The following CDADC1 variants were observed in gnomAD, a reference collection of about 807,000 sequenced individuals.
CDADC1 encodes dCTP deaminase.
CDADC1 carries 39 observed loss-of-function variants against 54.9 expected under a neutral mutation model. That is an observed-to-expected ratio of 0.71 (90% CI 0.55 to 0.93). CDADC1 has a LOEUF of 0.93. Ranked by LOEUF, CDADC1 falls within the 40% of genes least tolerant of loss-of-function variation. CDADC1 has a pLI of 0.00. For missense variants in CDADC1, 518 were observed against 618.8 expected, an observed-to-expected ratio of 0.84 and a Z score of 1.73; for synonymous variants, 186 against 204.0, an observed-to-expected ratio of 0.91 and a Z score of 0.75.
intron 9 of CDADC1, among the ~76,000 whole-genome samples, chr13:49,287,870 G>A (rs1481383985): frequency 6.6e-6 from 1 of 151,966 alleles, no homozygotes; most frequent in East Asian, 1.9e-4. Context: ...TACTCAGGAG[G>A]CTGAGGTGGA....
intron 6 of CDADC1, among the ~76,000 whole-genome samples, chr13:49,277,904 A>G (rs554348685): frequency 5.3e-4 from 81 of 152,344 alleles, no homozygotes; most frequent in South Asian, 1.0e-3. Flanking sequence ...CTTGCTAACC[A>G]GTAGCATGGC....
intron 8 of CDADC1, 124 bp from the exon 9 acceptor site, chr13:49,286,098 C>A: frequency 1.4e-6 from 1 of 729,400 alleles, no homozygotes; most frequent in South Asian, 1.8e-5. Flanking sequence ...ACAGGTGTGA[C>A]CCACTATGCC....
chr13:49,291,762 G>T lies in CDADC1; in HGVS notation c.*5G>T. 2 of 1,613,682 alleles carry T rather than the reference G, an allele frequency of 1.2e-6. No individual in the cohort carries two copies. Among genetic ancestry groups the T allele is most frequent in the Non-Finnish European group, 1.7e-6 (2 of 1,179,868 alleles). Reference sequence around the variant, plus strand: ...CTGCGCCTCGGAATCCACTAAGAAGGCCTGTCTACACTGCAGGGGAACCTC... The same window carrying T: ...CTGCGCCTCGGAATCCACTAAGAAGTCCTGTCTACACTGCAGGGGAACCTC... On this transcript the variant is annotated 3_prime_UTR_variant, in exon 10 of 10. Coordinates refer to ENST00000251108, the MANE Select transcript of CDADC1 (RefSeq NM_030911.4).
At chr13:49,261,304 A>C (rs1390646848) in intron 4 of CDADC1, among the ~76,000 whole-genome samples, 5 of 152,236 alleles carry the variant, frequency 3.3e-5, no homozygotes, top group Admixed American at 6.5e-5. Flanking sequence ...TATTTCGAGC[A>C]GGTAGGTATC....
At chr13:49,253,939 G>A (rs947897207) in intron 2 of CDADC1, among the ~76,000 whole-genome samples, 6 of 152,202 alleles carry the variant, frequency 3.9e-5, no homozygotes, top group African/African-American at 1.4e-4. Flanking sequence ...TAATGGTTAA[G>A]ACAATGGATC....
At chr13:49,276,375 C>T (rs1439171032) in intron 6 of CDADC1, among the ~76,000 whole-genome samples, 1 of 152,076 alleles carries the variant, frequency 6.6e-6, no homozygotes, top group African/African-American at 2.4e-5. Context: ...GAGATGAGGA[C>T]TTGGAGATGT....
chr13:49,248,862 C>A lies in CDADC1; in HGVS notation c.83-9C>A, dbSNP rs372881286. 8.4e-6 allele frequency: 13 copies of A among 1,553,098 alleles called. No individual in the cohort carries two copies. The highest frequency in any genetic ancestry group is 3.6e-6 in the Non-Finnish European group (4 of 1,124,500). On this transcript the variant is annotated splice_polypyrimidine_tract_variant and intron_variant, in intron 1 of 9. Coordinates refer to ENST00000251108, the MANE Select transcript of CDADC1 (RefSeq NM_030911.4). Reference sequence around the variant, plus strand: ...ACAAAGTTTAAAGTGTTTGTCGTCTCTTTTGTAGGTCAGATACCAAGGCTT... The same window carrying A: ...ACAAAGTTTAAAGTGTTTGTCGTCTATTTTGTAGGTCAGATACCAAGGCTT...
At chr13:49,278,847 T>C (rs777628444) in intron 7 of CDADC1, among the ~76,000 whole-genome samples, 6 of 152,218 alleles carry the variant, frequency 3.9e-5, no homozygotes, top group Non-Finnish European at 8.8e-5. Context: ...GTTTTCTAAA[T>C]CTGGAGCACG....
At chr13:49,278,579 AT>A (rs2138249732) in intron 7 of CDADC1, 60 bp downstream of exon 7, 6 of 1,140,596 alleles carry the variant, frequency 5.3e-6, no homozygotes, top group Non-Finnish European at 7.3e-6. Flanking sequence ...GTTGAAATTA[AT>A]TTTCTTATAA....
Position 49,268,084 on chromosome 13 carries a change from G to A in CDADC1, c.1000+25G>A, listed in dbSNP as rs780041176. On this transcript the variant is annotated intron_variant, in intron 5 of 9. Coordinates refer to ENST00000251108, the MANE Select transcript of CDADC1 (RefSeq NM_030911.4). Reference sequence around the variant, plus strand: ...GGTGAGTTACATAGATCGTAAATTGGGGCTGATTGGTTGGGTTGTATTTGT... The same window carrying A: ...GGTGAGTTACATAGATCGTAAATTGAGGCTGATTGGTTGGGTTGTATTTGT... 5 of 1,545,466 alleles carry A rather than the reference G, an allele frequency of 3.2e-6. No individual in the cohort carries two copies. In the South Asian group the frequency reaches 5.7e-5, roughly 18 times the overall value.
chr13:49,249,607 G>A (rs567819131), intron 2 of CDADC1, among the ~76,000 whole-genome samples: 2 of 152,050 alleles, frequency 1.3e-5, no homozygotes, highest in African/African-American at 2.4e-5. Context: ...GGTGGTATCC[G>A]CCTGTAGTCC....
rs547934842 is a variant in CDADC1, at chr13:49,289,815, C to T, written c.1472-1869C>T. 3.3e-5 allele frequency among the ~76,000 whole-genome samples: 5 copies of T among 152,254 alleles called. No individual in the cohort carries two copies. In the South Asian group the frequency reaches 6.2e-4, roughly 19 times the overall value. ...ATCCCAGCATATTGGGAGACTGAAG[C>T]GGGCCAATTGCTTGAGCCCAGGAGT... is the stretch of plus-strand genomic sequence containing the variant. On this transcript the variant is annotated intron_variant, in intron 9 of 9. Coordinates refer to ENST00000251108, the MANE Select transcript of CDADC1 (RefSeq NM_030911.4).
intron 4 of CDADC1, among the ~76,000 whole-genome samples, chr13:49,259,849 G>GA (rs58496922): frequency 0.013 from 1,932 of 149,906 alleles, 32 homozygotes; most frequent in African/African-American, 0.035. Context: ...CTTGTCTCCA[G>GA]AAAAAAAAAA....
chr13:49,259,284 A>C, intron 3 of CDADC1, 62 bp from the exon 4 acceptor site: 1 of 1,114,418 alleles, frequency 9.0e-7, no homozygotes, highest in Non-Finnish European at 1.3e-6. Flanking sequence ...ATTCAAGTAT[A>C]ATCCATAATA....
intron 9 of CDADC1, among the ~76,000 whole-genome samples, chr13:49,286,690 A>T (rs1953523571): frequency 6.6e-6 from 1 of 152,214 alleles, no homozygotes; most frequent in Admixed American, 6.5e-5. Flanking sequence ...GTAAACCCAC[A>T]TTTGCCCAGA....
Position 49,259,434 on chromosome 13 carries a change from C to T in CDADC1, c.341C>T (p.Ala114Val). The T allele has an allele frequency of 1.2e-6, 2 of 1,614,018 alleles. No individual in the cohort carries two copies. Among genetic ancestry groups the T allele is most frequent in the South Asian group, 1.1e-5 (1 of 91,078 alleles). Residue 114 changes from alanine (A) to valine (V), a missense_variant, in exon 4 of 10, where the codon GCT (alanine) becomes GTT (valine). Ala to Val is a moderately conservative substitution (Grantham distance 64, BLOSUM62 0). Coordinates refer to ENST00000251108, the MANE Select transcript of CDADC1 (RefSeq NM_030911.4). ...SSEDLHAGQI[A>V]LIKHGSRLKN... The stretch of plus-strand genomic sequence containing the variant: ...GAAGATTTACATGCCGGGCAGATTG[C>T]TCTTATTAAACATGGGTCAAGGCTG...
Position 49,267,619 on chromosome 13 carries a change from A to G in CDADC1, c.560A>G (p.His187Arg), listed in dbSNP as rs1555312518. The change falls in exon 5 of 10, where the codon CAT becomes CGT. Residue 187 changes from histidine (H) to arginine (R), a missense_variant. By Grantham distance (29) the His-to-Arg change is conservative. Transcript: ENST00000251108. ...VERLKSNSRA[H>R]VCVLLQPLVC... is the part of the protein sequence containing the mutation. Reference sequence around the variant, plus strand: ...AGATTGAAGTCAAACAGTCGGGCCCATGTGTGTGTCTTACTTCAACCTTTG... The same window carrying G: ...AGATTGAAGTCAAACAGTCGGGCCCGTGTGTGTGTCTTACTTCAACCTTTG... 2 of 1,614,142 alleles carry G rather than the reference A, an allele frequency of 1.2e-6. No individual in the cohort carries two copies. Among genetic ancestry groups the G allele is most frequent in the Middle Eastern group, 1.6e-4 (1 of 6,062 alleles).
chr13:49,259,201 T>A, intron 3 of CDADC1, 145 bp from the exon 4 acceptor site: 1 of 599,542 alleles, frequency 1.7e-6, no homozygotes, highest in Non-Finnish European at 2.6e-6. Context: ...GCTTTTTGGA[T>A]CTAATGAGAA....
chr13:49,278,287 A>G, intron 6 of CDADC1, 63 bp from the exon 7 acceptor site: 1 of 1,257,836 alleles, frequency 8.0e-7, no homozygotes, highest in Non-Finnish European at 1.1e-6. Flanking sequence ...AAGCTTCAAA[A>G]ATACATTGCA....
Sources: allele counts gnomAD v4.1 joint callset (sites outside exome capture counted in the v4.1 genomes callset), GRCh38; gene constraint gnomAD v4.1.1; transcripts MANE v1.5; gene names NCBI Gene and HGNC (gene_info 2026-07-23, HGNC 2026-07-21).